The following AGL variants were observed in gnomAD, a reference collection of about 807,000 sequenced individuals.
The protein encoded by AGL is amylo-alpha-1,6-glucosidase and 4-alpha-glucanotransferase.
Under a neutral mutation model 199.3 loss-of-function variants are expected in AGL, and 128 were observed. The observed-to-expected ratio is 0.64, with a 90% confidence interval of 0.56 to 0.74. The LOEUF (loss-of-function observed/expected upper bound fraction) is 0.74. Among genes scored for constraint, AGL ranks in the 30% least tolerant of loss-of-function variants. The probability of loss-of-function intolerance (pLI) is 0.00; values close to 1 mark genes in which losing one functional copy is unlikely to be tolerated. For missense variants in AGL, 1,809 were observed against 1,820.8 expected (o/e 0.99, Z 0.12); for synonymous variants, 584 against 594.7 (o/e 0.98, Z 0.26).
chr1:99,910,937 CTT>C, intron 28 of AGL, 90 bp downstream of exon 28: 1 of 1,387,068 alleles, frequency 7.2e-7, no homozygotes, highest in Non-Finnish European at 1.0e-6. Context: ...ACTATGAACT[CTT>C]TACATTAAGT....
At chr1:99,861,376 G>T in intron 2 of AGL, 127 bp from the exon 3 acceptor site, 1 of 1,540,566 alleles carries the variant, frequency 6.5e-7, no homozygotes. Flanking sequence ...ACAGCATTAG[G>T]TTTGCGGAGT....
intron 10 of AGL, among the ~76,000 whole-genome samples, chr1:99,876,070 T>C (rs958440844): frequency 2.6e-5 from 4 of 152,062 alleles, no homozygotes; most frequent in Non-Finnish European, 5.9e-5. Flanking sequence ...AGACGGGGTT[T>C]CCCCATGTTG....
intron 25 of AGL, among the ~76,000 whole-genome samples, chr1:99,900,096 A>T (rs1653704228): frequency 6.6e-6 from 1 of 151,062 alleles, no homozygotes. Flanking sequence ...TTCCTGGCTT[A>T]TTTTTGTATT....
intron 33 of AGL, among the ~76,000 whole-genome samples, chr1:99,919,642 A>G (rs1326388392): frequency 2.6e-5 from 4 of 152,206 alleles, no homozygotes; most frequent in Non-Finnish European, 5.9e-5. Flanking sequence ...ATGTGTGTTG[A>G]AAACCTGAGT....
intron 2 of AGL, among the ~76,000 whole-genome samples, chr1:99,856,310 CCCTCCCTCCCTT>C (rs1649420552): frequency 6.6e-5 from 1 of 15,046 alleles, no homozygotes; most frequent in South Asian, 3.6e-3. Flanking sequence ...CTTCCTTCCT[CCCTCCCTCCCTT>C]CCTTCCTCCC....
intron 5 of AGL, among the ~76,000 whole-genome samples, chr1:99,867,152 T>G (rs1276155043): frequency 6.6e-6 from 1 of 152,036 alleles, no homozygotes; most frequent in Non-Finnish European, 1.5e-5. Flanking sequence ...TCTAGCAGAA[T>G]TCAACCTCCA....
intron 4 of AGL, 36 bp from the exon 5 acceptor site, chr1:99,864,350 G>GTTTTTACAGTGGTC (rs1557749281): frequency 6.4e-7 from 1 of 1,555,106 alleles, no homozygotes; most frequent in African/African-American, 1.4e-5. Flanking sequence ...TTGTTTGTTT[G>GTTTTTACAGTGGTC]TTTTTACAGT....
chr1:99,878,959 T>C (rs1281655334), intron 12 of AGL, among the ~76,000 whole-genome samples: 1 of 152,246 alleles, frequency 6.6e-6, no homozygotes, highest in Non-Finnish European at 1.5e-5. Flanking sequence ...TCTAGGATTC[T>C]ACTTGTTAGC....
chr1:99,854,790 A>T (rs1366476300), intron 2 of AGL, among the ~76,000 whole-genome samples: 1 of 151,902 alleles, frequency 6.6e-6, no homozygotes, highest in Admixed American at 6.6e-5. Flanking sequence ...ATAATTTGAA[A>T]TGTGAAAGAT....
At chr1:99,852,108 T>C (rs1312427709) in intron 2 of AGL, among the ~76,000 whole-genome samples, 2 of 152,154 alleles carry the variant, frequency 1.3e-5, no homozygotes, top group Non-Finnish European at 2.9e-5. Context: ...CACTTTTTAA[T>C]TAATTATGGG....
In AGL at chr1:99,884,677, T is replaced by A. The variant is rs1296015200; in HGVS notation, c.2655T>A (p.Asp885Glu). 2 of 1,614,000 alleles carry A rather than the reference T, an allele frequency of 1.2e-6. No homozygotes were observed. Among genetic ancestry groups the A allele is most frequent in the Middle Eastern group, 1.7e-4 (1 of 6,060 alleles). ...GCAGCCTAGCTGTTGACAATGCAGA[T>A]CCTATATTAAAAATTCCTTTTGCTT... ...KSGSLAVDNA[D>E]PILKIPFASL... is the part of the protein sequence containing the mutation. The change falls in exon 20 of 34, where the codon GAT becomes GAA. Residue 885 changes from aspartate to glutamate, a missense_variant. Transcript: ENST00000361915.
At chr1:99,871,007 T>C in intron 7 of AGL, 138 bp downstream of exon 7, 3 of 642,760 alleles carry the variant, frequency 4.7e-6, no homozygotes, top group Non-Finnish European at 5.4e-6. Context: ...TATAAAACTG[T>C]GATTCTGTAA....
At position 99,886,853 on chromosome 1, in the gene AGL, T is replaced by A. The variant is rs1450941344; in HGVS notation, c.2682-1125T>A. Among the ~76,000 whole-genome samples, 4 of 152,342 alleles carry A rather than the reference T, an allele frequency of 2.6e-5. No homozygotes were observed. The East Asian group carries it at 7.7e-4, about 29-fold the overall frequency. On this transcript the variant is annotated intron_variant, in intron 20 of 33. Coordinates refer to ENST00000361915, the MANE Select transcript of AGL (RefSeq NM_000642.3). ...TAGTTGCATTCTTAACCAAAAAATC[T>A]GTGATGAAGCAGCTTTGTGTTTGGA...
At chr1:99,861,172 A>G in intron 2 of AGL, 1 of 1,193,772 alleles carries the variant, frequency 8.4e-7, no homozygotes, top group South Asian at 1.8e-5. Context: ...TGGGTACTTA[A>G]TTCAGGGGTG....
intron 7 of AGL, among the ~76,000 whole-genome samples, chr1:99,873,837 A>G (rs1390141572): frequency 6.6e-6 from 1 of 152,212 alleles, no homozygotes; most frequent in Admixed American, 6.5e-5. Context: ...AATAACCACT[A>G]CACTATGAAA....
At chr1:99,912,348 T>C (rs889003745) in intron 28 of AGL, 57 bp from the exon 29 acceptor site, 5 of 1,336,032 alleles carry the variant, frequency 3.7e-6, no homozygotes, top group Admixed American at 1.7e-5. Flanking sequence ...GAATGCCCTT[T>C]AAATAGTACT....
Position 99,899,588 on chromosome 1 carries a change from C to T in AGL, c.3363-1048C>T, listed in dbSNP as rs567824653. Reference sequence around the variant, plus strand: ...TCCCTCCCTCCCTCCCTCTCTCCTTCCTTCCTTCCTTTCTTTCTTTCCTTC... The same window carrying T: ...TCCCTCCCTCCCTCCCTCTCTCCTTTCTTCCTTCCTTTCTTTCTTTCCTTC... On this transcript the variant is annotated intron_variant, in intron 25 of 33. Coordinates refer to ENST00000361915, the MANE Select transcript of AGL (RefSeq NM_000642.3). 7.8e-5 allele frequency among the ~76,000 whole-genome samples: 10 copies of T among 128,994 alleles called. No homozygotes were observed. In the East Asian group the frequency reaches 2.7e-3, roughly 35 times the overall value. The allele number at this position is 128,994 out of a possible 152,430, so 84.6% of individuals were successfully genotyped here. A position where few individuals can be genotyped will look rare whatever the true frequency, so the allele number is the denominator to read the frequency against.
intron 27 of AGL, among the ~76,000 whole-genome samples, chr1:99,909,469 T>C (rs1654575931): frequency 6.6e-6 from 1 of 152,146 alleles, no homozygotes; most frequent in Admixed American, 6.5e-5. Flanking sequence ...AGGACATCCA[T>C]GGTGTTTACT....
intron 2 of AGL, 60 bp from the exon 3 acceptor site, chr1:99,861,443 T>G: frequency 6.2e-7 from 1 of 1,609,036 alleles, no homozygotes; most frequent in Non-Finnish European, 8.5e-7. Flanking sequence ...AAAACATCTG[T>G]TTTTCAATGT....
Sources: gnomAD v4.1 joint callset for allele counts (sites outside exome capture counted in the v4.1 genomes callset) on GRCh38, gnomAD v4.1.1 for gene constraint, MANE v1.5 for transcripts, NCBI Gene and HGNC (gene_info 2026-07-23, HGNC 2026-07-21) for gene names.